ZNF627: variants seen among roughly 807,000 people sequenced by gnomAD.
The protein encoded by ZNF627 is zinc finger protein 627.
In ZNF627, 12 loss-of-function variants were observed where a neutral mutation model predicts 10.6. The observed-to-expected ratio is 1.13, with a 90% CI of 0.73 to 1.84. The LOEUF (loss-of-function observed/expected upper bound fraction) is 1.84, where lower values mean the gene tolerates loss of function less well. Ranked by LOEUF, ZNF627 falls within the 40% of genes most tolerant of loss-of-function variation. ZNF627 has a pLI of 0.00. For missense variants in ZNF627, 504 were observed against 568.4 expected (o/e 0.89, Z 1.15); for synonymous variants, 176 against 187.1 (o/e 0.94, Z 0.48).
At chr19:11,601,542 G>A (rs1014813497) in intron 1 of ZNF627, among the ~76,000 whole-genome samples, 2 of 152,016 alleles carry the variant, frequency 1.3e-5, no homozygotes, top group African/African-American at 4.8e-5. Flanking sequence ...GAGACAGGAC[G>A]TTGTTATGTT....
chr19:11,614,950 T>TC (rs1973840377), intron 3 of ZNF627, 63 bp downstream of exon 3: 2 of 1,059,784 alleles, frequency 1.9e-6, no homozygotes, highest in East Asian at 6.0e-5. Flanking sequence ...TTAGGAATTT[T>TC]TTTTTTTTTT....
intron 3 of ZNF627, among the ~76,000 whole-genome samples, 158 bp downstream of exon 3, chr19:11,615,045 C>T (rs930903291): frequency 6.6e-6 from 1 of 150,574 alleles, no homozygotes; most frequent in Non-Finnish European, 1.5e-5. Context: ...CTCCCAGGTT[C>T]AAGTGATTCT....
intron 1 of ZNF627, among the ~76,000 whole-genome samples, chr19:11,597,936 C>T (rs1363265929): frequency 6.6e-6 from 1 of 152,230 alleles, no homozygotes; most frequent in Non-Finnish European, 1.5e-5. Flanking sequence ...TGTGGCCGCC[C>T]CCCACAGTCC....
rs552354006 is a variant in ZNF627, at chr19:11,607,707, A to T, written c.4-6820A>T. On this transcript the variant is annotated intron_variant, in intron 1 of 3. Transcript: ENST00000361113. ...CAGCCTGGACTTTATTGTCCATATC[A>T]CTACCAGCATTTTGGTCAGAGCTAT... Among the ~76,000 whole-genome samples, 120 of 152,242 alleles carry T rather than the reference A, an allele frequency of 7.9e-4. 1 individual carries two copies. Among genetic ancestry groups the T allele is most frequent in the African/African-American group, 2.7e-3 (114 of 41,554 alleles).
chr19:11,618,205 T>C lies in ZNF627; in HGVS notation c.*316T>C, dbSNP rs1973913451. The C allele has an allele frequency of 3.8e-6, 1 of 264,540 alleles. No homozygotes were observed. Among genetic ancestry groups the C allele is most frequent in the Non-Finnish European group, 7.1e-6 (1 of 140,932 alleles). 16.4% of individuals were successfully genotyped at this position (264,540 alleles called of 1,614,324 possible). A position where few individuals can be genotyped will look rare whatever the true frequency, so the allele number is the denominator to read the frequency against. Reference sequence around the variant, plus strand: ...ATTCGGAAGTAAGTTAAGAAGGCATTAGTCATGGTTTGGAAGCACCATACA... The same window carrying C: ...ATTCGGAAGTAAGTTAAGAAGGCATCAGTCATGGTTTGGAAGCACCATACA... On this transcript the variant is annotated 3_prime_UTR_variant, in exon 4 of 4. Transcript: ENST00000361113.
intron 3 of ZNF627, 59 bp downstream of exon 3, chr19:11,614,946 A>ATTTTT (rs5827132): frequency 1.2e-5 from 11 of 939,528 alleles, no homozygotes; most frequent in Non-Finnish European, 1.5e-5. Context: ...ATTGTTAGGA[A>ATTTTT]TTTTTTTTTT....
At chr19:11,611,318 T>C (rs1302682115) in intron 1 of ZNF627, among the ~76,000 whole-genome samples, 1 of 152,094 alleles carries the variant, frequency 6.6e-6, no homozygotes, top group African/African-American at 2.4e-5. Flanking sequence ...GTTGATAGTG[T>C]CTTCTGACAC....
At chr19:11,610,755 A>G (rs1442865629) in intron 1 of ZNF627, among the ~76,000 whole-genome samples, 1 of 152,344 alleles carries the variant, frequency 6.6e-6, no homozygotes, top group South Asian at 2.1e-4. Context: ...TTTTAGATCA[A>G]CAAACTTATG....
chr19:11,614,949 T>TC (rs1237956750), intron 3 of ZNF627, 62 bp downstream of exon 3: 7 of 642,146 alleles, frequency 1.1e-5, no homozygotes, highest in Non-Finnish European at 1.5e-5. Flanking sequence ...GTTAGGAATT[T>TC]TTTTTTTTTT....
chr19:11,609,012 G>C (rs1973720061), intron 1 of ZNF627, among the ~76,000 whole-genome samples: 2 of 151,932 alleles, frequency 1.3e-5, no homozygotes, highest in Admixed American at 1.3e-4. Context: ...GCTGAGACTA[G>C]AGGGCATGCC....
chr19:11,602,005 CAAAAAAAA>C (rs67176670), intron 1 of ZNF627, among the ~76,000 whole-genome samples: 5 of 53,790 alleles, frequency 9.3e-5, no homozygotes, highest in Admixed American at 3.9e-4. Context: ...GACTCTGTCT[CAAAAAAAA>C]AAAAAAAAAA....
In ZNF627 at chr19:11,616,628, C is replaced by G. The variant is rs930049541; in HGVS notation, c.192-67C>G. ...AAACAAGTATATGTAAGTCTAATACCTATTAATAAATATAAAATCATTTAT... is the reference window on the plus strand; with the variant it reads ...AAACAAGTATATGTAAGTCTAATACGTATTAATAAATATAAAATCATTTAT... On this transcript the variant is annotated intron_variant, in intron 3 of 3. Transcript: ENST00000361113. 15 of 1,083,144 alleles carry G rather than the reference C, an allele frequency of 1.4e-5. No individual in the cohort carries two copies. The South Asian group carries it at 1.7e-4, about 13-fold the overall frequency. The allele number at this position is 1,083,144 out of a possible 1,614,324, so 67.1% of individuals were successfully genotyped here. A position where few individuals can be genotyped will look rare whatever the true frequency, so the allele number is the denominator to read the frequency against.
intron 1 of ZNF627, among the ~76,000 whole-genome samples, chr19:11,610,047 ATTT>A (rs71166614): frequency 0.028 from 3,218 of 114,754 alleles, 31 homozygotes; most frequent in African/African-American, 0.047. Flanking sequence ...TGGGATTTGA[ATTT>A]TTTTTTTTTT....
chr19:11,597,777 C>A, intron 1 of ZNF627, 147 bp downstream of exon 1: 1 of 881,044 alleles, frequency 1.1e-6, no homozygotes, highest in Non-Finnish European at 1.5e-6. Context: ...GGGGCTGGGC[C>A]AGGAGCTGGG....
intron 1 of ZNF627, among the ~76,000 whole-genome samples, chr19:11,604,548 C>T (rs575515781): frequency 6.6e-6 from 1 of 152,258 alleles, no homozygotes; most frequent in Admixed American, 6.5e-5. Flanking sequence ...ACACCCTCCC[C>T]CTCCATGGAT....
chr19:11,612,682 A>G (rs548914759), intron 1 of ZNF627, among the ~76,000 whole-genome samples: 84 of 152,020 alleles, frequency 5.5e-4, no homozygotes, highest in African/African-American at 1.9e-3. Flanking sequence ...CGGCCTCTCA[A>G]AGTGCTGAGA....
chr19:11,598,719 A>G (rs1599651275), intron 1 of ZNF627, among the ~76,000 whole-genome samples: 2 of 152,190 alleles, frequency 1.3e-5, no homozygotes, highest in South Asian at 2.1e-4. Flanking sequence ...ATTAATTTGT[A>G]TTATTTTTTC....
intron 1 of ZNF627, among the ~76,000 whole-genome samples, chr19:11,608,121 G>A (rs541636645): frequency 6.6e-6 from 1 of 152,316 alleles, no homozygotes; most frequent in Non-Finnish European, 1.5e-5. Flanking sequence ...GCAAGGAGAA[G>A]TGCAGAGCGA....
At chr19:11,604,518 G>A (rs1306184569) in intron 1 of ZNF627, among the ~76,000 whole-genome samples, 2 of 152,186 alleles carry the variant, frequency 1.3e-5, no homozygotes, top group Non-Finnish European at 2.9e-5. Context: ...TTGGGTTTGT[G>A]GGTGGGAGGT....
Sources: allele counts gnomAD v4.1 joint callset (sites outside exome capture counted in the v4.1 genomes callset), GRCh38; gene constraint gnomAD v4.1.1; transcripts MANE v1.5; gene names NCBI Gene and HGNC (gene_info 2026-07-23, HGNC 2026-07-21).